TANC2: variants seen among roughly 807,000 people sequenced by gnomAD.
TANC2 encodes the protein protein TANC2.
In TANC2, 26 loss-of-function variants were observed where a neutral mutation model predicts 210.5. The ratio of observed to expected loss-of-function variants is 0.12; its 90% CI spans 0.09 to 0.17. TANC2 has a LOEUF of 0.17. Among genes scored for constraint, TANC2 ranks in the 10% least tolerant of loss-of-function variants. The pLI is 1.00. For missense variants in TANC2, 2,129 were observed against 2,608.9 expected, an observed-to-expected ratio of 0.82 and a Z score of 4.01; for synonymous variants, 931 against 967.1, an observed-to-expected ratio of 0.96 and a Z score of 0.69.
At chr17:63,110,747 A>T (rs1023283471) in intron 4 of TANC2, among the ~76,000 whole-genome samples, 1 of 152,200 alleles carries the variant, frequency 6.6e-6, no homozygotes, top group African/African-American at 2.4e-5. Context: ...TTCTACTGTC[A>T]TACTGGCCTT....
intron 1 of TANC2, among the ~76,000 whole-genome samples, chr17:62,979,486 C>G (rs1009827166): frequency 2.2e-4 from 33 of 152,144 alleles, no homozygotes; most frequent in African/African-American, 7.7e-4. Flanking sequence ...TGAGATTAAC[C>G]TTGATACTTT....
At chr17:63,098,363 C>G (rs1455069781) in intron 3 of TANC2, among the ~76,000 whole-genome samples, 1 of 150,118 alleles carries the variant, frequency 6.7e-6, no homozygotes, top group Non-Finnish European at 1.5e-5. Context: ...GAGTATAGTT[C>G]TTTGGGCTTT....
At chr17:62,985,113 A>C (rs1378850324) in intron 1 of TANC2, among the ~76,000 whole-genome samples, 2 of 152,000 alleles carry the variant, frequency 1.3e-5, no homozygotes, top group Non-Finnish European at 2.9e-5. Flanking sequence ...GAAGTATTTT[A>C]TTTCTTTCAT....
intron 4 of TANC2, among the ~76,000 whole-genome samples, chr17:63,110,254 C>G (rs2037985255): frequency 6.6e-6 from 1 of 151,454 alleles, no homozygotes; most frequent in Non-Finnish European, 1.5e-5. Context: ...GTCTTCCTGT[C>G]CTTTTAGAAT....
At chr17:63,403,752 A>G (rs769991680) in intron 19 of TANC2, among the ~76,000 whole-genome samples, 2 of 152,240 alleles carry the variant, frequency 1.3e-5, no homozygotes, top group Non-Finnish European at 2.9e-5. Context: ...GAGTGCATGT[A>G]TCTTCTAAAA....
intron 24 of TANC2, 63 bp from the exon 25 acceptor site, chr17:63,413,480 T>A (rs1396805587): frequency 7.5e-7 from 1 of 1,338,438 alleles, no homozygotes; most frequent in Non-Finnish European, 1.0e-6. Flanking sequence ...TTTTTTCACC[T>A]AGCTTCCTAC....
intron 25 of TANC2, 68 bp downstream of exon 25, chr17:63,413,702 C>G: frequency 7.2e-7 from 1 of 1,387,420 alleles, no homozygotes; most frequent in Non-Finnish European, 1.0e-6. Context: ...TAGAATCTTA[C>G]AAAGTCTTGA....
chr17:63,000,981 A>C (rs1270029036), intron 1 of TANC2, among the ~76,000 whole-genome samples: 1 of 151,654 alleles, frequency 6.6e-6, no homozygotes, highest in Admixed American at 6.6e-5. Context: ...AAAAAAAAAA[A>C]AAAAACCCTC....
chr17:63,326,378 A>C (rs900789240), intron 11 of TANC2, among the ~76,000 whole-genome samples: 3 of 152,234 alleles, frequency 2.0e-5, no homozygotes, highest in African/African-American at 7.2e-5. Context: ...AAATGGATTA[A>C]GGATCTAAAT....
intron 5 of TANC2, among the ~76,000 whole-genome samples, chr17:63,164,996 G>C (rs80133840): frequency 0.071 from 10,816 of 152,156 alleles, 685 homozygotes; most frequent in African/African-American, 0.17. Flanking sequence ...AGAATGCACT[G>C]TCTGGCCAGG....
chr17:63,395,966 G>A (rs765393493), intron 18 of TANC2, 38 bp downstream of exon 18: 5 of 1,536,382 alleles, frequency 3.3e-6, no homozygotes, highest in Admixed American at 2.1e-5. Flanking sequence ...TTCAAGCTCT[G>A]TATTGAAGGA....
chr17:63,387,454 T>C (rs2047821654), intron 15 of TANC2, among the ~76,000 whole-genome samples: 2 of 152,202 alleles, frequency 1.3e-5, no homozygotes, highest in South Asian at 4.1e-4. Flanking sequence ...ATTCCTCCTT[T>C]GTAGATGCCC....
intron 4 of TANC2, among the ~76,000 whole-genome samples, chr17:63,140,036 A>T (rs1331278335): frequency 6.6e-6 from 1 of 152,158 alleles, no homozygotes; most frequent in East Asian, 1.9e-4. Flanking sequence ...TTGGAATTTC[A>T]TGCTTTTGTT....
chr17:63,089,924 G>A (rs985927009), intron 3 of TANC2, among the ~76,000 whole-genome samples: 5 of 151,958 alleles, frequency 3.3e-5, no homozygotes, highest in Admixed American at 1.3e-4. Context: ...TACAAATTAG[G>A]TTTTTTAAAA....
chr17:63,237,962 G>A, exon 8 of TANC2: 1 of 1,588,500 alleles, frequency 6.3e-7, no homozygotes, highest in South Asian at 1.2e-5. Context: ...ATGAAAACAT[G>A]ACTGCTTCCA....
At chr17:63,148,257 T>C (rs578054896) in intron 4 of TANC2, 2 of 152,332 alleles carry the variant, frequency 1.3e-5, no homozygotes, top group East Asian at 1.9e-4. Context: ...TTTCTTACTT[T>C]GTTTTCTGTA....
At chr17:63,133,448 A>C (rs1423876274) in intron 4 of TANC2, among the ~76,000 whole-genome samples, 2 of 151,984 alleles carry the variant, frequency 1.3e-5, no homozygotes, top group African/African-American at 4.8e-5. Flanking sequence ...GATCTTCTTC[A>C]GCTTACTATC....
intron 8 of TANC2, among the ~76,000 whole-genome samples, chr17:63,247,374 A>G (rs185958864): frequency 1.1e-4 from 16 of 152,080 alleles, no homozygotes; most frequent in Admixed American, 6.5e-4. Context: ...ATCATGTATT[A>G]TAAAACTGAT....
intron 2 of TANC2, among the ~76,000 whole-genome samples, chr17:63,025,815 AT>A (rs1202763112): frequency 6.5e-4 from 87 of 134,018 alleles, no homozygotes; most frequent in African/African-American, 2.6e-3. Context: ...ATAAAATAAA[AT>A]TAAATTAAAA....
Sources: allele counts gnomAD v4.1 joint callset (sites outside exome capture counted in the v4.1 genomes callset), GRCh38; gene constraint gnomAD v4.1.1; transcripts MANE v1.5; gene names NCBI Gene and HGNC (gene_info 2026-07-23, HGNC 2026-07-21).